FAM13A: variants seen among roughly 807,000 people sequenced by gnomAD.
FAM13A encodes the protein family with sequence similarity 13 member A.
A neutral mutation model predicts 129.6 loss-of-function variants in FAM13A; 76 were observed. The observed-to-expected ratio is 0.59, with a 90% CI of 0.49 to 0.71. The LOEUF is 0.71. Ranked by LOEUF, FAM13A falls within the 30% of genes least tolerant of loss-of-function variation. The probability of loss-of-function intolerance (pLI) is 0.00; values close to 1 mark genes in which losing one functional copy is unlikely to be tolerated. For missense variants in FAM13A, 1,108 were observed against 1,249.3 expected (o/e 0.89, Z 1.70); for synonymous variants, 443 against 449.9 (o/e 0.98, Z 0.20).
intron 3 of FAM13A, among the ~76,000 whole-genome samples, chr4:88,993,810 C>T (rs1763213983): frequency 6.6e-6 from 1 of 151,926 alleles, no homozygotes; most frequent in African/African-American, 2.4e-5. Context: ...ACCAGCCTGA[C>T]CAACAAGATG....
At chr4:88,907,237 A>G (rs1171632350) in intron 5 of FAM13A, among the ~76,000 whole-genome samples, 1 of 152,244 alleles carries the variant, frequency 6.6e-6, no homozygotes, top group Non-Finnish European at 1.5e-5. Context: ...AAAATAATAC[A>G]TAAAAGGAAA....
intron 3 of FAM13A, among the ~76,000 whole-genome samples, chr4:88,997,888 GT>G (rs901638317): frequency 1.3e-4 from 20 of 152,264 alleles, no homozygotes; most frequent in Admixed American, 1.0e-3. Context: ...CTCACAAAAT[GT>G]TTTATGAAAA....
At chr4:88,985,604 T>C (rs1240788139) in intron 4 of FAM13A, among the ~76,000 whole-genome samples, 4 of 152,260 alleles carry the variant, frequency 2.6e-5, no homozygotes, top group East Asian at 1.9e-4. Flanking sequence ...CTAACAGACA[T>C]GTAACACTGA....
chr4:89,024,973 A>T (rs1314376174), intron 2 of FAM13A, among the ~76,000 whole-genome samples: 1 of 152,186 alleles, frequency 6.6e-6, no homozygotes, highest in Non-Finnish European at 1.5e-5. Flanking sequence ...AACTTAATAA[A>T]ATGTTTAGTT....
chr4:88,799,384 C>T (rs2149713785), intron 8 of FAM13A, among the ~76,000 whole-genome samples: 1 of 152,240 alleles, frequency 6.6e-6, no homozygotes, highest in South Asian at 2.1e-4. Flanking sequence ...TGTACTTTAC[C>T]TGTGGAAATG....
chr4:88,892,256 T>C (rs1235516350), intron 6 of FAM13A, among the ~76,000 whole-genome samples: 1 of 141,586 alleles, frequency 7.1e-6, no homozygotes, highest in Non-Finnish European at 1.5e-5. Context: ...CTCGGCTCAC[T>C]GCAAGCTCCA....
At chr4:88,865,739 T>C (rs1217890772) in intron 6 of FAM13A, among the ~76,000 whole-genome samples, 5 of 152,192 alleles carry the variant, frequency 3.3e-5, no homozygotes, top group African/African-American at 4.8e-5. Flanking sequence ...AGACAATATA[T>C]AAACAAATGG....
intron 7 of FAM13A, among the ~76,000 whole-genome samples, chr4:88,807,170 A>G (rs1178192382): frequency 6.6e-6 from 1 of 152,168 alleles, no homozygotes; most frequent in Non-Finnish European, 1.5e-5. Flanking sequence ...GCATTCAATT[A>G]GCAATATGCT....
intron 7 of FAM13A, among the ~76,000 whole-genome samples, chr4:88,821,074 A>T (rs907360654): frequency 1.3e-5 from 2 of 152,230 alleles, no homozygotes; most frequent in African/African-American, 4.8e-5. Flanking sequence ...AGAGTCACAG[A>T]AATCAATAGC....
At chr4:88,892,128 T>G (rs1206763405) in intron 6 of FAM13A, among the ~76,000 whole-genome samples, 1 of 150,930 alleles carries the variant, frequency 6.6e-6, no homozygotes, top group Non-Finnish European at 1.5e-5. Context: ...GAGCTAAGAT[T>G]GAGCTGCTGC....
At chr4:88,936,055 A>G (rs1260697077) in intron 5 of FAM13A, among the ~76,000 whole-genome samples, 3 of 152,162 alleles carry the variant, frequency 2.0e-5, no homozygotes, top group Admixed American at 6.6e-5. Context: ...GCACCATTTT[A>G]TATTCTTCTT....
chr4:88,990,029 T>A (rs1035547674), intron 4 of FAM13A: 1 of 152,190 alleles, frequency 6.6e-6, no homozygotes, highest in African/African-American at 2.4e-5. Flanking sequence ...GAGATATTTA[T>A]TCACGAGACC....
chr4:88,947,776 C>T (rs1756189405), intron 4 of FAM13A, among the ~76,000 whole-genome samples: 1 of 151,852 alleles, frequency 6.6e-6, no homozygotes, highest in African/African-American at 2.4e-5. Flanking sequence ...ATCCCAAATG[C>T]AGCTAACTGA....
intron 5 of FAM13A, among the ~76,000 whole-genome samples, chr4:88,910,177 T>C (rs1376490329): frequency 6.6e-6 from 1 of 152,158 alleles, no homozygotes; most frequent in East Asian, 1.9e-4. Flanking sequence ...CATTAATAGA[T>C]CACATACGGC....
intron 1 of FAM13A, among the ~76,000 whole-genome samples, chr4:89,040,708 T>G (rs1769996942): frequency 6.6e-6 from 1 of 152,222 alleles, no homozygotes; most frequent in Non-Finnish European, 1.5e-5. Context: ...TAAAGAAGGA[T>G]GACCCATGCG....
chr4:88,924,529 T>C (rs1334901936), intron 5 of FAM13A, among the ~76,000 whole-genome samples: 2 of 152,168 alleles, frequency 1.3e-5, no homozygotes, highest in Admixed American at 1.3e-4. Context: ...GGACCCCTTC[T>C]TTAAACCTTA....
chr4:88,956,917 T>C (rs1037010077), intron 4 of FAM13A, among the ~76,000 whole-genome samples: 3 of 152,114 alleles, frequency 2.0e-5, no homozygotes, highest in African/African-American at 4.8e-5. Context: ...ATGTTGGAGG[T>C]AGGACCTGGT....
rs1042274278 is a variant in FAM13A, at chr4:88,868,919, A to G, written c.844-17736T>C. On this transcript the variant is annotated intron_variant, in intron 6 of 23. Transcript: ENST00000264344. Reference sequence around the variant, plus strand: ...CATACACCAATAATTCTTAATTTTTATCTTTGTCCAGACATCTCTTCTGAG... The same window carrying G: ...CATACACCAATAATTCTTAATTTTTGTCTTTGTCCAGACATCTCTTCTGAG... Among the ~76,000 whole-genome samples, 6 of 152,222 alleles carry G rather than the reference A, an allele frequency of 3.9e-5. 1 individual carries two copies. Among genetic ancestry groups the G allele is most frequent in the Admixed American group, 3.9e-4 (6 of 15,284 alleles).
intron 5 of FAM13A, chr4:88,937,363 T>A (rs1754014713): frequency 6.6e-6 from 1 of 152,192 alleles, no homozygotes; most frequent in Non-Finnish European, 1.5e-5. Flanking sequence ...CCTGAGGAAA[T>A]CTCATACCAG....
Sources: allele counts gnomAD v4.1 joint callset (sites outside exome capture counted in the v4.1 genomes callset), GRCh38; gene constraint gnomAD v4.1.1; transcripts MANE v1.5; gene names NCBI Gene and HGNC (gene_info 2026-07-23, HGNC 2026-07-21).